Variants in FMNL1 observed in about 807,000 individuals in gnomAD.
FMNL1 encodes formin like 1, also known as formin-like protein 1.
In FMNL1, 43 loss-of-function variants were observed where a neutral mutation model predicts 121.3. The observed-to-expected ratio is 0.35, with a 90% CI of 0.28 to 0.46. FMNL1 has a LOEUF of 0.46. FMNL1 is among the 20% of genes least tolerant of loss of function. The pLI, the probability that FMNL1 is intolerant of heterozygous loss-of-function variation, is 1.00. For missense variants in FMNL1, 1,191 were observed against 1,482.4 expected, an observed-to-expected ratio of 0.80 and a Z score of 3.23; for synonymous variants, 613 against 613.5, an observed-to-expected ratio of 1.00 and a Z score of 0.01.
intron 25 of FMNL1, 80 bp downstream of exon 25, chr17:45,246,410 G>C: frequency 6.2e-7 from 1 of 1,613,000 alleles, no homozygotes; most frequent in South Asian, 1.1e-5. Context: ...CTATCCTCTG[G>C]GGGACTGGCT....
Position 45,242,483 on chromosome 17 carries a change from G to C in FMNL1, c.2010+18G>C, listed in dbSNP as rs1435556892. 6.2e-7 allele frequency: 1 copy of C among 1,610,044 alleles called. No homozygotes were observed. Among genetic ancestry groups the C allele is most frequent in the African/African-American group, 1.3e-5 (1 of 75,024 alleles). ...TGCTGCAGGTGAGTGGCCCTGCCTG[G>C]CTCCCCATGTGGGCACCGGAGGAAG... On this transcript the variant is annotated intron_variant, in intron 16 of 26. Transcript: ENST00000331495.
chr17:45,243,267 C>T lies in FMNL1; in HGVS notation c.2160C>T (p.Ile720=), dbSNP rs2043749971. ...IEANRAKNLA[I]TLRKGNLGAE... ...CCAACCGGGCCAAGAACTTGGCCATCACCCTGCGGAAGGGCAACCTGGGGG... is the reference window on the plus strand; with the variant it reads ...CCAACCGGGCCAAGAACTTGGCCATTACCCTGCGGAAGGGCAACCTGGGGG... The change falls in exon 17 of 27, where the codon ATC becomes ATT. Residue 720 remains isoleucine, a synonymous_variant. Coordinates refer to ENST00000331495, the MANE Select transcript of FMNL1 (RefSeq NM_005892.4). 4 of 1,614,018 alleles carry T rather than the reference C, an allele frequency of 2.5e-6. No homozygotes were observed. The highest frequency in any genetic ancestry group is 1.3e-5 in the African/African-American group (1 of 75,056).
At position 45,231,944 on chromosome 17, in the gene FMNL1, C is replaced by G. The variant is rs771388607; in HGVS notation, c.214-423C>G. On this transcript the variant is annotated intron_variant, in intron 2 of 26. Coordinates refer to ENST00000331495, the MANE Select transcript of FMNL1 (RefSeq NM_005892.4). The surrounding 1 kb of genome is among the most constrained non-coding windows in gnomAD (Gnocchi z 4.7). ...GACCCCTGCATAGTCCACCCCAAAGCTGTGTCAGGGCTGTGGCCTGGGAGC... is the reference window on the plus strand; with the variant it reads ...GACCCCTGCATAGTCCACCCCAAAGGTGTGTCAGGGCTGTGGCCTGGGAGC... Among the ~76,000 whole-genome samples the G allele has an allele frequency of 6.6e-6, 1 of 152,182 alleles. No homozygotes were observed. The highest frequency in any genetic ancestry group is 2.4e-5 in the African/African-American group (1 of 41,438).
In FMNL1 at chr17:45,238,544, G is replaced by C. The variant is rs374352263; in HGVS notation, c.895-20G>C. 104 of 1,613,664 alleles carry C rather than the reference G, an allele frequency of 6.4e-5. No individual in the cohort carries two copies. Among genetic ancestry groups the C allele is most frequent in the Non-Finnish European group, 8.1e-5 (96 of 1,179,758 alleles). On this transcript the variant is annotated intron_variant, in intron 9 of 26. Coordinates refer to ENST00000331495, the MANE Select transcript of FMNL1 (RefSeq NM_005892.4). The stretch of plus-strand genomic sequence containing the variant: ...GACGTGTGTCACTGGGCCTCAGTGA[G>C]AGCCATTCCCCTTACCCAGGTGTGT...
chr17:45,233,997 C>A lies in FMNL1; in HGVS notation c.486-75C>A. 6.4e-7 allele frequency: 1 copy of A among 1,563,798 alleles called. No homozygotes were observed. The highest frequency in any genetic ancestry group is 8.7e-7 in the Non-Finnish European group (1 of 1,153,884). ...TAGTCTCACCTGCAGGTCTGTCTCTCCTTGCGTTTCCTCTGCCCCCTCTTA... is the reference window on the plus strand; with the variant it reads ...TAGTCTCACCTGCAGGTCTGTCTCTACTTGCGTTTCCTCTGCCCCCTCTTA... On this transcript the variant is annotated intron_variant, in intron 5 of 26. Transcript: ENST00000331495. The surrounding 1 kb of genome is among the most constrained non-coding windows in gnomAD (Gnocchi z 4.1).
intron 1 of FMNL1, among the ~76,000 whole-genome samples, chr17:45,227,999 TC>T (rs2043363665): frequency 6.6e-6 from 1 of 151,904 alleles, no homozygotes; most frequent in Non-Finnish European, 1.5e-5. Flanking sequence ...TGCCAGCCCC[TC>T]CCCTCCTACT....
In FMNL1 at chr17:45,245,830, T is replaced by C. The variant is rs549647536; in HGVS notation, c.2995-48T>C. On this transcript the variant is annotated intron_variant, in intron 23 of 26. Transcript: ENST00000331495. ...GGGCTGCTTCTGTTTAGGGGGTGGG[T>C]AGGGCAGTAGGGAGGGCCACCCTCA... is the stretch of plus-strand genomic sequence containing the variant. 35 of 1,589,256 alleles carry C rather than the reference T, an allele frequency of 2.2e-5. No individual in the cohort carries two copies. In the African/African-American group the frequency reaches 4.3e-4, roughly 20 times the overall value.
At chr17:45,238,172 T>TA (rs2043593023) in intron 9 of FMNL1, 1 of 217,670 alleles carries the variant, frequency 4.6e-6, no homozygotes, top group African/African-American at 2.3e-5. Flanking sequence ...TAGGAAATGA[T>TA]AAATGCTGTG....
chr17:45,240,421 A>G, intron 11 of FMNL1, 55 bp from the exon 12 acceptor site: 2 of 1,495,080 alleles, frequency 1.3e-6, no homozygotes, highest in Non-Finnish European at 9.0e-7. Flanking sequence ...GTTTGGAAAG[A>G]CTCCCCCCCA....
rs749302029 is a variant in FMNL1 at position 45,241,243 on chromosome 17, C to T, written c.1332+13C>T. On this transcript the variant is annotated intron_variant, in intron 13 of 26. Transcript: ENST00000331495. The surrounding 1 kb of genome is among the most constrained non-coding windows in gnomAD (Gnocchi z 7.0). ...GGAGACCCTGCGGGTGAGGCTGGGG[C>T]GGGTGGTAGGCCAGGCGCCCAAGAA... The T allele has an allele frequency of 4.6e-5, 74 of 1,613,736 alleles. No individual in the cohort carries two copies. In the South Asian group the frequency reaches 7.9e-4, roughly 17 times the overall value.
At chr17:45,234,828 C>G (rs1308175549) in intron 6 of FMNL1, 1 of 154,730 alleles carries the variant, frequency 6.5e-6, no homozygotes, top group Non-Finnish European at 1.4e-5. Context: ...CATGCGGCCT[C>G]CAGGTGTCCC....
intron 3 of FMNL1, chr17:45,232,836 A>G: frequency 1.8e-6 from 1 of 567,006 alleles, no homozygotes; most frequent in South Asian, 1.5e-5. Flanking sequence ...TCTAGGAGAG[A>G]GAGAGAATGT....
In FMNL1 at chr17:45,241,917, C is replaced by T; in HGVS notation, c.1656C>T (p.Pro552=). ...PPPPPPLPGL[P]SPQEAPPSAP... ...CGCCGCCCCCACTGCCCGGCCTCCC[C>T]TCCCCGCAGGAAGCCCCGCCCTCTG... The change falls in exon 15 of 27, where the codon CCC becomes CCT. Residue 552 remains proline, a synonymous_variant. Transcript: ENST00000331495. The surrounding 1 kb of genome is among the most constrained non-coding windows in gnomAD (Gnocchi z 7.0). 1.4e-6 allele frequency: 2 copies of T among 1,399,836 alleles called. No homozygotes were observed. Among genetic ancestry groups the T allele is most frequent in the Non-Finnish European group, 9.2e-7 (1 of 1,086,674 alleles). 86.7% of individuals were successfully genotyped at this position (1,399,836 alleles called of 1,614,324 possible).
Position 45,233,557 on chromosome 17 carries a change from G to T in FMNL1, c.402-91G>T. On this transcript the variant is annotated intron_variant, in intron 4 of 26. Coordinates refer to ENST00000331495, the MANE Select transcript of FMNL1 (RefSeq NM_005892.4). The surrounding 1 kb of genome is among the most constrained non-coding windows in gnomAD (Gnocchi z 4.1). ...CATTGGGTCTTTGGGGGTTGAAAGG[G>T]CACCCCAGGGGTCCTTGCTGTCCCT... The T allele has an allele frequency of 1.4e-6, 2 of 1,464,946 alleles. No homozygotes were observed. Among genetic ancestry groups the T allele is most frequent in the Non-Finnish European group, 1.9e-6 (2 of 1,060,942 alleles). 90.7% of individuals were successfully genotyped at this position (1,464,946 alleles called of 1,614,324 possible).
chr17:45,245,594 G>C, intron 22 of FMNL1, 38 bp from the exon 23 acceptor site: 1 of 1,611,552 alleles, frequency 6.2e-7, no homozygotes, highest in Non-Finnish European at 8.5e-7. Context: ...CAGGCTGTGA[G>C]AGGTCTAAGC....
chr17:45,224,832 C>T (rs949592607), intron 1 of FMNL1, among the ~76,000 whole-genome samples: 13 of 152,338 alleles, frequency 8.5e-5, no homozygotes, highest in African/African-American at 2.6e-4. Context: ...AGCAGAGGAG[C>T]GATGGCTGCC....
Position 45,241,101 on chromosome 17 carries a change from CG to C in FMNL1, c.1231-24del, listed in dbSNP as rs1241478955. On this transcript the variant is annotated intron_variant, in intron 12 of 26. Coordinates refer to ENST00000331495, the MANE Select transcript of FMNL1 (RefSeq NM_005892.4). This position sits in a 1 kb window ranked among gnomAD's most constrained non-coding sequence, Gnocchi z 7.0. ...GCGGTGCCAGTGCCGGGCTGCGGGT[CG>C]GGGCTCACCATGTGCTGGTGCTACA... is the stretch of plus-strand genomic sequence containing the variant. 8 of 1,612,738 alleles carry C rather than the reference CG, an allele frequency of 5.0e-6. No homozygotes were observed. The East Asian group carries it at 1.8e-4, about 36-fold the overall frequency.
rs1158952725 is a variant in FMNL1 at position 45,234,066 on chromosome 17, C to A, written c.486-6C>A. 9.9e-6 allele frequency: 16 copies of A among 1,613,734 alleles called. No individual in the cohort carries two copies. Among genetic ancestry groups the A allele is most frequent in the Non-Finnish European group, 1.4e-5 (16 of 1,179,896 alleles). ...GGCCTCCAGCCCCATTGCATCCTGTCCCCAGGTATGACATGGAGAGCACAG... is the reference window on the plus strand; with the variant it reads ...GGCCTCCAGCCCCATTGCATCCTGTACCCAGGTATGACATGGAGAGCACAG... On this transcript the variant is annotated splice_region_variant and splice_polypyrimidine_tract_variant and intron_variant, in intron 5 of 26. Coordinates refer to ENST00000331495, the MANE Select transcript of FMNL1 (RefSeq NM_005892.4).
At position 45,244,230 on chromosome 17, in the gene FMNL1, C is replaced by T. The variant is rs1321066530; in HGVS notation, c.2503C>T (p.Arg835Cys). ...SMSIKSSDKL[R>C]QILEIVLAFG... ...GTCCATCAAGTCCTCTGACAAACTC[C>T]GCCAGATCCTGGAGGTGAGGGGCCA... The change falls in exon 19 of 27, where the codon CGC (arginine) becomes TGC (cysteine). Residue 835 changes from arginine (R) to cysteine (C), a missense_variant. Coordinates refer to ENST00000331495, the MANE Select transcript of FMNL1 (RefSeq NM_005892.4). The T allele has an allele frequency of 7.4e-6, 12 of 1,611,612 alleles. No individual in the cohort carries two copies. The highest frequency in any genetic ancestry group is 4.4e-5 in the South Asian group (4 of 90,474).
Sources: allele counts gnomAD v4.1 joint callset (sites outside exome capture counted in the v4.1 genomes callset), GRCh38; gene constraint gnomAD v4.1.1; non-coding constraint Gnocchi (gnomAD v3.1); transcripts MANE v1.5; gene names NCBI Gene and HGNC (gene_info 2026-07-23, HGNC 2026-07-21).